ANKRD55: variants seen among roughly 807,000 people sequenced by gnomAD.
ANKRD55 encodes the protein ankyrin repeat domain-containing protein 55.
Under a neutral mutation model 60.6 loss-of-function variants are expected in ANKRD55, and 41 were observed. That is an observed-to-expected ratio of 0.68 (90% CI 0.53 to 0.88). ANKRD55 has a LOEUF of 0.88. Among genes scored for constraint, ANKRD55 ranks in the 40% least tolerant of loss-of-function variants. The pLI, the probability that ANKRD55 is intolerant of heterozygous loss-of-function variation, is 0.00. For synonymous variants in ANKRD55, 264 were observed against 290.3 expected (o/e 0.91, Z 0.92); for missense variants, 732 against 767.6 (o/e 0.95, Z 0.55).
intron 6 of ANKRD55, among the ~76,000 whole-genome samples, chr5:56,154,885 G>A (rs1758154451): frequency 6.6e-6 from 1 of 152,012 alleles, no homozygotes; most frequent in South Asian, 2.1e-4. Flanking sequence ...CGTGGAGCCG[G>A]GCCTCAAAGA....
intron 6 of ANKRD55, 98 bp downstream of exon 6, chr5:56,159,735 C>T (rs1758278593): frequency 8.3e-7 from 1 of 1,198,216 alleles, no homozygotes; most frequent in African/African-American, 1.5e-5. Flanking sequence ...CCTCATGTCT[C>T]CCCGTAGCTT....
At chr5:56,221,854 G>A (rs969317333) in intron 2 of ANKRD55, among the ~76,000 whole-genome samples, 34 of 152,196 alleles carry the variant, frequency 2.2e-4, no homozygotes, top group African/African-American at 7.5e-4. Context: ...CAGGAAGCTC[G>A]AACTGGGTGG....
At chr5:56,180,015 A>C (rs1253515748) in intron 3 of ANKRD55, among the ~76,000 whole-genome samples, 1 of 152,146 alleles carries the variant, frequency 6.6e-6, no homozygotes, top group Non-Finnish European at 1.5e-5. Context: ...TATTTCTTTC[A>C]GTTCTGGAGG....
chr5:56,147,028 A>AC (rs970668142), intron 6 of ANKRD55, among the ~76,000 whole-genome samples: 4 of 151,760 alleles, frequency 2.6e-5, no homozygotes, highest in East Asian at 1.9e-4. Flanking sequence ...ACCGCAAGAA[A>AC]CCCCCCCACA....
chr5:56,129,044 C>T (rs537693893), intron 7 of ANKRD55, among the ~76,000 whole-genome samples: 8 of 152,200 alleles, frequency 5.3e-5, no homozygotes, highest in Non-Finnish European at 1.2e-4. Flanking sequence ...TTCCATGGTG[C>T]ACCCTCAGGA....
chr5:56,102,463 A>T, intron 11 of ANKRD55, 31 bp downstream of exon 11: 1 of 1,463,040 alleles, frequency 6.8e-7, no homozygotes, highest in African/African-American at 1.4e-5. Flanking sequence ...AACACTTGCA[A>T]AGGAAGCTGC....
chr5:56,185,172 G>A (rs1337530622), intron 2 of ANKRD55, among the ~76,000 whole-genome samples: 1 of 151,166 alleles, frequency 6.6e-6, no homozygotes, highest in African/African-American at 2.4e-5. Flanking sequence ...GCAGTGAGCC[G>A]AGATTGCACC....
In ANKRD55 at chr5:56,210,585, A is replaced by G. The variant is rs898553403; in HGVS notation, c.58+22271T>C. The stretch of plus-strand genomic sequence containing the variant: ...CAAAAAAAAAAAAAAAAAAAAAAAA[A>G]GAAAGTGCTTTATATACAGTAAAGA... On this transcript the variant is annotated intron_variant, in intron 2 of 11. Transcript: ENST00000341048. 1.6e-3 allele frequency among the ~76,000 whole-genome samples: 238 copies of G among 145,376 alleles called. 1 individual carries two copies. Among genetic ancestry groups the G allele is most frequent in the African/African-American group, 5.9e-3 (228 of 38,378 alleles).
At position 56,100,546 on chromosome 5, in the gene ANKRD55, A is replaced by C. The variant is rs1420019373; in HGVS notation, c.1724-242T>G. ...AAGACTGTACCAAGTGTGATCAAAC[A>C]TGATTGGGCTGTGTGTGCCTGGCAG... On this transcript the variant is annotated intron_variant, in intron 11 of 11. Coordinates refer to ENST00000341048, the MANE Select transcript of ANKRD55 (RefSeq NM_024669.3). 2.0e-5 allele frequency among the ~76,000 whole-genome samples: 3 copies of C among 152,190 alleles called. No homozygotes were observed. The East Asian group carries it at 5.8e-4, about 29-fold the overall frequency.
intron 2 of ANKRD55, among the ~76,000 whole-genome samples, chr5:56,199,731 G>A (rs36753): frequency 0.36 from 54,157 of 151,140 alleles, 11,970 homozygotes; most frequent in East Asian, 0.6. Context: ...TCTACTAAAA[G>A]TACAAAAAAA....
chr5:56,225,855 A>G (rs1485381501), intron 2 of ANKRD55, among the ~76,000 whole-genome samples: 1 of 152,242 alleles, frequency 6.6e-6, no homozygotes, highest in Non-Finnish European at 1.5e-5. Context: ...AAATGGAAGA[A>G]CATTCCATGC....
intron 5 of ANKRD55, among the ~76,000 whole-genome samples, chr5:56,166,201 CTCTCTCTCTCTCTCT>C (rs1580995997): frequency 2.8e-4 from 33 of 117,372 alleles, no homozygotes; most frequent in East Asian, 7.9e-4. Flanking sequence ...TTCCTTCCTT[CTCTCTCTCTCTCTCT>C]CTTTCTTTCT....
chr5:56,142,947 C>T (rs1249889179), intron 7 of ANKRD55, among the ~76,000 whole-genome samples: 1 of 152,196 alleles, frequency 6.6e-6, no homozygotes, highest in Non-Finnish European at 1.5e-5. Context: ...CTGTTTTCCC[C>T]TTACATCAGG....
At chr5:56,128,257 A>G (rs1396577145) in intron 7 of ANKRD55, among the ~76,000 whole-genome samples, 1 of 152,214 alleles carries the variant, frequency 6.6e-6, no homozygotes, top group Non-Finnish European at 1.5e-5. Context: ...AAAGGCCAAA[A>G]CACCCTGTTC....
chr5:56,227,487 A>C (rs1305603132), intron 2 of ANKRD55, among the ~76,000 whole-genome samples: 1 of 152,102 alleles, frequency 6.6e-6, no homozygotes, highest in Non-Finnish European at 1.5e-5. Flanking sequence ...TAAAGTATAA[A>C]AGAAAACAAA....
intron 11 of ANKRD55, among the ~76,000 whole-genome samples, chr5:56,101,314 A>C (rs2111649407): frequency 6.6e-6 from 1 of 152,334 alleles, no homozygotes; most frequent in South Asian, 2.1e-4. Context: ...GAGGAAACTA[A>C]AGTACAGAAA....
chr5:56,160,254 T>A (rs1416556709), intron 5 of ANKRD55, among the ~76,000 whole-genome samples: 1 of 152,204 alleles, frequency 6.6e-6, no homozygotes, highest in Non-Finnish European at 1.5e-5. Context: ...GATTTTTTTC[T>A]TTGAGATGGA....
intron 3 of ANKRD55, 76 bp downstream of exon 3, chr5:56,183,436 C>A (rs986521468): frequency 3.2e-5 from 50 of 1,568,738 alleles, no homozygotes; most frequent in Non-Finnish European, 3.1e-5. Flanking sequence ...CATTTATTAA[C>A]ATTGCTCATG....
At chr5:56,116,182 A>C (rs6887238) in intron 9 of ANKRD55, among the ~76,000 whole-genome samples, 11,974 of 152,194 alleles carry the variant, frequency 0.079, 1,176 homozygotes, top group African/African-American at 0.22. Context: ...AATGCCATAA[A>C]TATTGACGGG....
Sources: gnomAD v4.1 joint callset for allele counts (sites outside exome capture counted in the v4.1 genomes callset) on GRCh38, gnomAD v4.1.1 for gene constraint, MANE v1.5 for transcripts, NCBI Gene and HGNC (gene_info 2026-07-23, HGNC 2026-07-21) for gene names.